Variants in TTLL11 observed in about 807,000 individuals in gnomAD.
TTLL11 encodes the protein tubulin tyrosine ligase like 11, also known as tubulin polyglutamylase TTLL11.
In TTLL11, 42 loss-of-function variants were observed where a neutral mutation model predicts 51.7. The observed-to-expected ratio is 0.81, with a 90% CI of 0.64 to 1.05. TTLL11 has a LOEUF of 1.05. TTLL11 is among the 50% of genes least tolerant of loss of function. The pLI is 0.00. For synonymous variants in TTLL11, 381 were observed against 383.5 expected (o/e 0.99, Z 0.08); for missense variants, 799 against 940.4 (o/e 0.85, Z 1.97).
At chr9:121,886,182 G>A (rs1488494513) in intron 6 of TTLL11, among the ~76,000 whole-genome samples, 1 of 152,188 alleles carries the variant, frequency 6.6e-6, no homozygotes, top group Non-Finnish European at 1.5e-5. Flanking sequence ...CGTGCCCTAT[G>A]AGACCCCTTC....
intron 3 of TTLL11, among the ~76,000 whole-genome samples, chr9:121,996,697 A>C (rs1422450066): frequency 6.6e-6 from 1 of 152,222 alleles, no homozygotes; most frequent in East Asian, 1.9e-4. Context: ...TCCAACCCTA[A>C]GCTCTTTCTA....
At position 121,893,204 on chromosome 9, in the gene TTLL11, AT is replaced by A. The variant is rs1424921065; in HGVS notation, c.1482-22457del. On this transcript the variant is annotated intron_variant, in intron 6 of 8. Transcript: ENST00000321582. Reference sequence around the variant, plus strand: ...GTCAATATATGTTCATGTAAAAAAAATAGTTAAATATACCAAAAAGCAGACA... The same window carrying A: ...GTCAATATATGTTCATGTAAAAAAAAAGTTAAATATACCAAAAAGCAGACA... 2.6e-5 allele frequency among the ~76,000 whole-genome samples: 4 copies of A among 152,312 alleles called. No homozygotes were observed. The East Asian group carries it at 5.8e-4, about 22-fold the overall frequency.
In TTLL11 at chr9:122,040,528, G is replaced by C. The variant is rs939816088; in HGVS notation, c.463-1160C>G. On this transcript the variant is annotated intron_variant, in intron 1 of 8. Coordinates refer to ENST00000321582, the MANE Select transcript of TTLL11 (RefSeq NM_001139442.2). ...CCATGTTAGTTCATATTCAGAATTT[G>C]CTTGTTAAAAGTGCACACAAATAGA... 1.2e-5 allele frequency: 7 copies of C among 589,446 alleles called. No individual in the cohort carries two copies. In the African/African-American group the frequency reaches 1.2e-4, roughly 10 times the overall value. 36.5% of individuals were successfully genotyped at this position (589,446 alleles called of 1,614,324 possible).
At chr9:121,844,269 A>C (rs552258799) in intron 8 of TTLL11, among the ~76,000 whole-genome samples, 1 of 151,498 alleles carries the variant, frequency 6.6e-6, no homozygotes, top group South Asian at 2.1e-4. Flanking sequence ...AGGAGTTTTT[A>C]AGGAAATACG....
At chr9:122,030,776 C>CAAAAAAACA (rs1844515048) in intron 3 of TTLL11, among the ~76,000 whole-genome samples, 1 of 69,334 alleles carries the variant, frequency 1.4e-5, no homozygotes, top group Non-Finnish European at 2.8e-5. Flanking sequence ...ACAAAAAATA[C>CAAAAAAACA]AAAAAAAAAA....
Position 121,932,105 on chromosome 9 carries a change from C to T in TTLL11, c.1481+41904G>A, listed in dbSNP as rs1841009039. 2.0e-5 allele frequency among the ~76,000 whole-genome samples: 3 copies of T among 152,158 alleles called. No homozygotes were observed. In the South Asian group the frequency reaches 6.2e-4, roughly 32 times the overall value. On this transcript the variant is annotated intron_variant, in intron 6 of 8. Coordinates refer to ENST00000321582, the MANE Select transcript of TTLL11 (RefSeq NM_001139442.2). ...TGCATCCAATGTCCTACATAGCAAG[C>T]TTTGGGCTGCATATTCTATTTATCT...
intron 8 of TTLL11, among the ~76,000 whole-genome samples, chr9:121,858,986 C>T (rs894698876): frequency 1.9e-4 from 29 of 152,154 alleles, no homozygotes; most frequent in African/African-American, 2.4e-5. Flanking sequence ...CAGAAGAGGG[C>T]GTGGCGTGGG....
rs535945284 is a variant in TTLL11, at chr9:121,817,947, A to G, written c.*4640T>C. Reference sequence around the variant, plus strand: ...GAAGGATTGAGCATGTGCTGATAAAATCATGCAGGAAAGGGCCTGGGGTCT... The same window carrying G: ...GAAGGATTGAGCATGTGCTGATAAAGTCATGCAGGAAAGGGCCTGGGGTCT... On this transcript the variant is annotated 3_prime_UTR_variant, in exon 9 of 9. Transcript: ENST00000321582. 2.6e-5 allele frequency: 4 copies of G among 152,270 alleles called. No homozygotes were observed. Among genetic ancestry groups the G allele is most frequent in the Non-Finnish European group, 5.9e-5 (4 of 68,080 alleles). The allele number at this position is 152,270 out of a possible 1,614,324, so 9.4% of individuals were successfully genotyped here.
At chr9:121,936,678 G>A (rs1328209963) in intron 6 of TTLL11, among the ~76,000 whole-genome samples, 1 of 152,144 alleles carries the variant, frequency 6.6e-6, no homozygotes, top group Non-Finnish European at 1.5e-5. Context: ...GGAATACAAA[G>A]AAAAGCTTAA....
At chr9:121,993,749 A>T (rs1170589974) in intron 3 of TTLL11, among the ~76,000 whole-genome samples, 6 of 152,232 alleles carry the variant, frequency 3.9e-5, no homozygotes, top group Non-Finnish European at 8.8e-5. Context: ...GGAGAAATTC[A>T]GCAACTAGAA....
At chr9:122,024,253 T>C (rs1345130518) in intron 3 of TTLL11, among the ~76,000 whole-genome samples, 1 of 152,150 alleles carries the variant, frequency 6.6e-6, no homozygotes, top group African/African-American at 2.4e-5. Flanking sequence ...GAAATACTTG[T>C]ACGCTAAAAA....
chr9:122,006,045 T>A (rs1843633139), intron 3 of TTLL11, among the ~76,000 whole-genome samples: 1 of 152,172 alleles, frequency 6.6e-6, no homozygotes, highest in African/African-American at 2.4e-5. Context: ...AATATAAGAA[T>A]CATGTAAATA....
chr9:121,842,335 G>A lies in TTLL11; in HGVS notation c.1840+18002C>T, dbSNP rs1326926780. ...TGCAGTGATGTAATCATAGCTCACC[G>A]CAGCTTCAAGTTCCTGGGCTCAAGC... On this transcript the variant is annotated intron_variant, in intron 8 of 8. Transcript: ENST00000321582. Among the ~76,000 whole-genome samples, 5 of 152,034 alleles carry A rather than the reference G, an allele frequency of 3.3e-5. No individual in the cohort carries two copies. In the South Asian group the frequency reaches 6.2e-4, roughly 19 times the overall value.
In TTLL11 at chr9:122,050,497, C is replaced by G. The variant is rs559685875; in HGVS notation, c.463-11129G>C. Among the ~76,000 whole-genome samples, 3 of 152,244 alleles carry G rather than the reference C, an allele frequency of 2.0e-5. No homozygotes were observed. In the East Asian group the frequency reaches 5.8e-4, roughly 29 times the overall value. ...ATGTTTACATGACGGCCTCCCTCAC[C>G]TGACAGATGCTTCAGGGGAGAGAAA... is the stretch of plus-strand genomic sequence containing the variant. On this transcript the variant is annotated intron_variant, in intron 1 of 8. Coordinates refer to ENST00000321582, the MANE Select transcript of TTLL11 (RefSeq NM_001139442.2).
At chr9:121,952,909 G>A (rs1588150154) in intron 6 of TTLL11, among the ~76,000 whole-genome samples, 1 of 152,188 alleles carries the variant, frequency 6.6e-6, no homozygotes, top group African/African-American at 2.4e-5. Context: ...TGATATTTTG[G>A]CCCTTATCCT....
At chr9:121,958,835 G>C (rs1019822542) in intron 6 of TTLL11, among the ~76,000 whole-genome samples, 3 of 152,178 alleles carry the variant, frequency 2.0e-5, no homozygotes, top group African/African-American at 7.2e-5. Flanking sequence ...CAGGTGTATG[G>C]GGAGATGGGG....
intron 6 of TTLL11, among the ~76,000 whole-genome samples, chr9:121,887,729 C>G (rs938002521): frequency 3.3e-5 from 5 of 152,236 alleles, no homozygotes; most frequent in Non-Finnish European, 7.3e-5. Flanking sequence ...GCCAATGAAG[C>G]AAATGCTTCA....
chr9:121,935,815 G>C (rs1393924526), intron 6 of TTLL11, among the ~76,000 whole-genome samples: 1 of 152,182 alleles, frequency 6.6e-6, no homozygotes, highest in Non-Finnish European at 1.5e-5. Flanking sequence ...TCAGGTACCT[G>C]GATAAACTGG....
At chr9:121,950,540 G>T (rs1247444256) in intron 6 of TTLL11, among the ~76,000 whole-genome samples, 1 of 152,206 alleles carries the variant, frequency 6.6e-6, no homozygotes, top group Non-Finnish European at 1.5e-5. Flanking sequence ...GAACAAGGTA[G>T]AGTCTGACCT....
Sources: gnomAD v4.1 joint callset for allele counts (sites outside exome capture counted in the v4.1 genomes callset) on GRCh38, gnomAD v4.1.1 for gene constraint, MANE v1.5 for transcripts, NCBI Gene and HGNC (gene_info 2026-07-23, HGNC 2026-07-21) for gene names.